Variants in RYR1 observed in about 807,000 individuals in gnomAD.
RYR1 encodes central core disease of muscle.
A neutral mutation model predicts 583.5 loss-of-function variants in RYR1; 342 were observed. That is an observed-to-expected ratio of 0.59 (90% confidence interval 0.54 to 0.64). The LOEUF (loss-of-function observed/expected upper bound fraction) is 0.64. Ranked by LOEUF, RYR1 falls within the 30% of genes least tolerant of loss-of-function variation. The pLI is 0.00. For missense variants in RYR1, 6,032 were observed against 6,917.2 expected (o/e 0.87, Z 4.54); for synonymous variants, 2,791 against 2,822.5 (o/e 0.99, Z 0.35).
Position 38,452,822 on chromosome 19 carries a change from C to G in RYR1, c.1248C>G (p.Ser416Arg). Residue 416 changes from serine (S) to arginine (R), a missense_variant, in exon 13 of 106, where the codon AGC (serine) becomes AGG (arginine). Ser to Arg is a moderately radical substitution (Grantham distance 110, BLOSUM62 -1). Around this residue, in one of 11 missense-constraint regions of RYR1, gnomAD observed 2,627 missense variants for 2,961.3 expected, o/e 0.89. Coordinates refer to ENST00000359596, the MANE Select transcript of RYR1 (RefSeq NM_000540.3). The stretch of plus-strand genomic sequence containing the variant: ...GACAGCTGCGAGGTCCCTGTAGGAG[C>G]CTGGACAGCTTCAGCGGGAAGCCAC... ...TNGLYNQFIK[S>R]LDSFSGKPRG... The G allele has an allele frequency of 6.3e-7, 1 of 1,589,918 alleles. No individual in the cohort carries two copies. Among genetic ancestry groups the G allele is most frequent in the South Asian group, 1.1e-5 (1 of 88,134 alleles).
chr19:38,511,937 G>A, intron 61 of RYR1, 135 bp from the exon 62 acceptor site: 3 of 1,043,728 alleles, frequency 2.9e-6, no homozygotes, highest in South Asian at 1.4e-5. Flanking sequence ...AGTCTGGGGG[G>A]GTGGGGGTGC....
At chr19:38,525,147 G>A (rs1487785232) in intron 70 of RYR1, among the ~76,000 whole-genome samples, 185 bp from the exon 71 acceptor site, 4 of 152,120 alleles carry the variant, frequency 2.6e-5, no homozygotes, top group East Asian at 1.9e-4. Flanking sequence ...GAGGGTCTCC[G>A]GTCATGGCTG....
chr19:38,512,612 A>G lies in RYR1; in HGVS notation c.9472+129A>G. 2.2e-6 allele frequency: 2 copies of G among 909,000 alleles called. No individual in the cohort carries two copies. Among genetic ancestry groups the G allele is most frequent in the Non-Finnish European group, 3.5e-6 (2 of 564,854 alleles). The allele number at this position is 909,000 out of a possible 1,614,324, so 56.3% of individuals were successfully genotyped here. A position where few individuals can be genotyped will look rare whatever the true frequency, so the allele number is the denominator to read the frequency against. ...CTTGCTGTAAGCAAAGCATGCAGTC[A>G]GTACCTTGGCAGGTGGCAAATGAGT... On this transcript the variant is annotated intron_variant, in intron 63 of 105. Transcript: ENST00000359596. The surrounding 1 kb of genome is among the most constrained non-coding windows in gnomAD (Gnocchi z 5.1).
chr19:38,561,642 C>G lies in RYR1; in HGVS notation c.12624+188C>G, dbSNP rs1053507436. Among the ~76,000 whole-genome samples the G allele has an allele frequency of 1.2e-4, 19 of 152,226 alleles. No homozygotes were observed. The highest frequency in any genetic ancestry group is 2.6e-4 in the Non-Finnish European group (18 of 68,028). ...CGCCCTTGCACATCCCTGGCTCGCC[C>G]CTGGCCACTTCTTGCGGACCTGGCC... is the stretch of plus-strand genomic sequence containing the variant. On this transcript the variant is annotated intron_variant, in intron 90 of 105. Coordinates refer to ENST00000359596, the MANE Select transcript of RYR1 (RefSeq NM_000540.3). This position sits in a 1 kb window ranked among gnomAD's most constrained non-coding sequence, Gnocchi z 4.8.
At chr19:38,450,291 A>T (rs1478689814) in intron 11 of RYR1, among the ~76,000 whole-genome samples, 2 of 152,164 alleles carry the variant, frequency 1.3e-5, no homozygotes, top group African/African-American at 4.8e-5. Context: ...GGTAGAGCCA[A>T]CAGGATTTGC....
At chr19:38,564,845 A>G (rs935766989) in intron 90 of RYR1, 114 bp from the exon 91 acceptor site, 1 of 1,499,178 alleles carries the variant, frequency 6.7e-7, no homozygotes, top group Non-Finnish European at 8.9e-7. Flanking sequence ...AATACCAACA[A>G]TGCATTTAGA....
intron 89 of RYR1, among the ~76,000 whole-genome samples, chr19:38,554,444 C>T (rs966430649): frequency 4.6e-5 from 5 of 107,902 alleles, no homozygotes; most frequent in African/African-American, 1.8e-4. Flanking sequence ...GAACAAGACT[C>T]AGTCTCAAAA....
chr19:38,587,040 G>A (rs1245690436), intron 105 of RYR1, among the ~76,000 whole-genome samples: 6 of 152,242 alleles, frequency 3.9e-5, no homozygotes, highest in Non-Finnish European at 5.9e-5. Flanking sequence ...AGGCCACAGC[G>A]GGAGAATTGC....
chr19:38,572,315 G>T (rs1973755341), intron 95 of RYR1, 45 bp downstream of exon 95: 1 of 1,556,064 alleles, frequency 6.4e-7, no homozygotes. Flanking sequence ...TATTGGCTGG[G>T]TGGGGGTGGG....
Position 38,473,535 on chromosome 19 carries a change from G to C in RYR1, c.3924G>C (p.Pro1308=), listed in dbSNP as rs144350050. The change falls in exon 28 of 106, where the codon CCG becomes CCC. Residue 1308 remains proline (P), a synonymous_variant. Coordinates refer to ENST00000359596, the MANE Select transcript of RYR1 (RefSeq NM_000540.3). The part of the protein sequence containing the change: ...QHFRCTAGAT[P]LAPPGLQPPA... Reference sequence around the variant, plus strand: ...TCCGCTGCACTGCAGGGGCCACCCCGCTGGCACCTCCTGGCCTGCAGCCCC... The same window carrying C: ...TCCGCTGCACTGCAGGGGCCACCCCCCTGGCACCTCCTGGCCTGCAGCCCC... The C allele has an allele frequency of 1.4e-4, 228 of 1,609,834 alleles. No homozygotes were observed. Among genetic ancestry groups the C allele is most frequent in the Admixed American group, 4.1e-4 (24 of 59,218 alleles).
intron 27 of RYR1, 21 bp downstream of exon 27, chr19:38,469,534 T>A (rs976485704): frequency 1.7e-5 from 27 of 1,606,962 alleles, no homozygotes; most frequent in Non-Finnish European, 2.2e-5. Flanking sequence ...AGCCCCTCAA[T>A]GCCTTCTCAT....
chr19:38,576,053 C>A lies in RYR1; in HGVS notation c.14172+92C>A, dbSNP rs1973944750. The stretch of plus-strand genomic sequence containing the variant: ...TGCCAAGCACTTGCTTGGTGTGTGA[C>A]CTTGGGCAAGAGGTTTTTTTGCCTT... On this transcript the variant is annotated intron_variant, in intron 97 of 105. Coordinates refer to ENST00000359596, the MANE Select transcript of RYR1 (RefSeq NM_000540.3). 6.1e-6 allele frequency: 9 copies of A among 1,475,124 alleles called. No homozygotes were observed. The South Asian group carries it at 7.9e-5, about 13-fold the overall frequency. The allele number at this position is 1,475,124 out of a possible 1,614,324, so 91.4% of individuals were successfully genotyped here.
intron 104 of RYR1, 61 bp from the exon 105 acceptor site, chr19:38,586,464 T>G (rs566770643): frequency 1.3e-6 from 2 of 1,531,630 alleles, no homozygotes; most frequent in African/African-American, 2.7e-5. Context: ...CTACTATAAA[T>G]GAAAAATAAA....
chr19:38,457,391 TC>T, intron 16 of RYR1, 105 bp from the exon 17 acceptor site: 2 of 1,529,452 alleles, frequency 1.3e-6, no homozygotes, highest in Non-Finnish European at 1.8e-6. Context: ...CCACATCTTA[TC>T]CCGATGCGCT....
In RYR1 at chr19:38,536,637, G is replaced by T. The variant is rs1411746330; in HGVS notation, c.11591-113G>T. 2.5e-6 allele frequency: 3 copies of T among 1,215,448 alleles called. No individual in the cohort carries two copies. In the Admixed American group the frequency reaches 5.7e-5, roughly 23 times the overall value. The allele number at this position is 1,215,448 out of a possible 1,614,324, so 75.3% of individuals were successfully genotyped here. On this transcript the variant is annotated intron_variant, in intron 82 of 105. Coordinates refer to ENST00000359596, the MANE Select transcript of RYR1 (RefSeq NM_000540.3). ...CTGTGGGTTGTTCCTCTCTCTCTGT[G>T]TGTCTTTCTGTGTCTCTGTCCCTGA...
intron 16 of RYR1, 112 bp downstream of exon 16, chr19:38,455,863 C>A: frequency 1.3e-6 from 1 of 746,054 alleles, no homozygotes; most frequent in South Asian, 1.4e-5. Flanking sequence ...TCATCTCTCA[C>A]CTGTACGCCA....
chr19:38,515,222 C>T (rs1970908400), intron 64 of RYR1, 115 bp downstream of exon 64: 1 of 858,276 alleles, frequency 1.2e-6, no homozygotes, highest in South Asian at 1.4e-5. Context: ...TTTTCCCGCA[C>T]ACGGCGGCAG....
intron 16 of RYR1, 56 bp from the exon 17 acceptor site, chr19:38,457,441 C>T (rs1967473063): frequency 6.2e-7 from 1 of 1,613,724 alleles, no homozygotes; most frequent in Non-Finnish European, 8.5e-7. Flanking sequence ...CAGGGTTCTT[C>T]TGTAGATCCT....
intron 54 of RYR1, 111 bp downstream of exon 54, chr19:38,506,057 G>A: frequency 6.9e-7 from 1 of 1,450,592 alleles, no homozygotes; most frequent in Admixed American, 2.0e-5. Context: ...AGGGAGGTAG[G>A]TGGGGCAAGA....
Sources: allele counts gnomAD v4.1 joint callset (sites outside exome capture counted in the v4.1 genomes callset), GRCh38; gene constraint gnomAD v4.1.1; regional missense constraint gnomAD v4.1.1; non-coding constraint Gnocchi (gnomAD v3.1); transcripts MANE v1.5; gene names NCBI Gene and HGNC (gene_info 2026-07-23, HGNC 2026-07-21).